Variants in PPP2R3C observed in about 807,000 individuals in gnomAD.
PPP2R3C encodes protein phosphatase 2 regulatory subunit B''gamma.
A neutral mutation model predicts 63.7 loss-of-function variants in PPP2R3C; 47 were observed. That is an observed-to-expected ratio of 0.74 (90% CI 0.58 to 0.94). PPP2R3C has a LOEUF of 0.94. Ranked by LOEUF, PPP2R3C falls within the 40% of genes least tolerant of loss-of-function variation. The probability of loss-of-function intolerance (pLI) is 0.00; values close to 1 mark genes in which losing one functional copy is unlikely to be tolerated. For synonymous variants in PPP2R3C, 180 were observed against 177.4 expected (o/e 1.01, Z -0.12); for missense variants, 421 against 518.4 (o/e 0.81, Z 1.82).
intron 4 of PPP2R3C, among the ~76,000 whole-genome samples, chr14:35,108,948 A>G (rs1162749487): frequency 6.6e-6 from 1 of 152,046 alleles, no homozygotes; most frequent in East Asian, 1.9e-4. Context: ...TTTTTAATTA[A>G]AAGTTTTTTT....
intron 6 of PPP2R3C, chr14:35,101,015 A>T (rs2046170187): frequency 6.6e-6 from 1 of 151,990 alleles, no homozygotes; most frequent in Non-Finnish European, 1.5e-5. Flanking sequence ...TTGCTCTGTC[A>T]CCCAGACTGG....
intron 7 of PPP2R3C, chr14:35,098,521 A>AT (rs913913190): frequency 1.3e-5 from 2 of 149,988 alleles, no homozygotes; most frequent in Non-Finnish European, 1.5e-5. Context: ...CAATTTTTGT[A>AT]TTTTTTTTGT....
At chr14:35,102,049 G>A (rs1169285592) in intron 6 of PPP2R3C, 2 of 129,274 alleles carry the variant, frequency 1.5e-5, no homozygotes, top group Admixed American at 8.5e-5. Context: ...TTTTTTTTGA[G>A]ACGGAGTCTC....
At chr14:35,087,721 TG>T in intron 12 of PPP2R3C, 1 of 475,770 alleles carries the variant, frequency 2.1e-6, no homozygotes. Context: ...TTAATTAAAA[TG>T]AATGAATGCT....
intron 11 of PPP2R3C, among the ~76,000 whole-genome samples, chr14:35,090,386 C>CA (rs1487000767): frequency 7.9e-5 from 12 of 151,970 alleles, no homozygotes; most frequent in African/African-American, 2.7e-4. Context: ...GGATTACAGG[C>CA]ATGTGGACCC....
intron 11 of PPP2R3C, among the ~76,000 whole-genome samples, chr14:35,089,706 C>T (rs764247299): frequency 9.2e-5 from 14 of 151,870 alleles, no homozygotes; most frequent in Non-Finnish European, 1.3e-4. Context: ...CGCTCTGTTA[C>T]CCAGGCTGCA....
In PPP2R3C at chr14:35,091,113, T is replaced by A; in HGVS notation, c.1070A>T (p.Asn357Ile). Reference sequence around the variant, plus strand: ...TGAAAAGACATTCAGGTATCCTTTGTTCTCAATATCAAGCAGTTTGAAAAT... The same window carrying A: ...TGAAAAGACATTCAGGTATCCTTTGATCTCAATATCAAGCAGTTTGAAAAT... ...QYIFKLLDIE[N>I]KGYLNVFSLN... Residue 357 changes from asparagine to isoleucine, a missense_variant, in exon 11 of 13, where the codon AAC (asparagine) becomes ATC (isoleucine). Around this residue, in one of 3 missense-constraint regions of PPP2R3C, gnomAD observed 231 missense variants for 264.8 expected, o/e 0.87. Coordinates refer to ENST00000261475, the MANE Select transcript of PPP2R3C (RefSeq NM_017917.4). The A allele has an allele frequency of 6.2e-7, 1 of 1,607,970 alleles. No individual in the cohort carries two copies. The highest frequency in any genetic ancestry group is 8.5e-7 in the Non-Finnish European group (1 of 1,175,952).
At chr14:35,110,661 AT>A in intron 2 of PPP2R3C, 32 bp from the exon 3 acceptor site, 2 of 1,437,050 alleles carry the variant, frequency 1.4e-6, no homozygotes. Context: ...CTACATGTAA[AT>A]TTTAGACTAC....
chr14:35,088,166 T>C (rs2045671425), intron 11 of PPP2R3C, 156 bp from the exon 12 acceptor site: 4 of 661,750 alleles, frequency 6.0e-6, no homozygotes, highest in Admixed American at 4.8e-5. Context: ...CTTGACCTTA[T>C]TCCACATCAG....
chr14:35,092,666 A>T (rs971434962), intron 10 of PPP2R3C, among the ~76,000 whole-genome samples: 6 of 151,882 alleles, frequency 4.0e-5, no homozygotes, highest in Non-Finnish European at 8.8e-5. Context: ...CGGTTTCTCC[A>T]AGTTGGTCAG....
intron 5 of PPP2R3C, 143 bp downstream of exon 5, chr14:35,107,996 G>GT: frequency 8.0e-7 from 1 of 1,245,834 alleles, no homozygotes; most frequent in Non-Finnish European, 1.0e-6. Context: ...CCAAGTTTAT[G>GT]TAACACATCT....
Position 35,085,489 on chromosome 14 carries a change from T to C in PPP2R3C, c.*101A>G. ...ACATTTGCTGTGTTCTCTAGGCATA[T>C]CAAGTGTTTTATTTAGACCATTTCT... is the stretch of plus-strand genomic sequence containing the variant. On this transcript the variant is annotated 3_prime_UTR_variant, in exon 13 of 13. Transcript: ENST00000261475. The C allele has an allele frequency of 4.7e-6, 5 of 1,072,378 alleles. No individual in the cohort carries two copies. The highest frequency in any genetic ancestry group is 6.5e-6 in the Non-Finnish European group (5 of 774,110). 66.4% of individuals were successfully genotyped at this position (1,072,378 alleles called of 1,614,324 possible).
At chr14:35,116,950 T>C in intron 1 of PPP2R3C, 1 of 422,732 alleles carries the variant, frequency 2.4e-6, no homozygotes, top group Non-Finnish European at 4.4e-6. Context: ...TCTTCAACCA[T>C]TTCTCATGCT....
intron 10 of PPP2R3C, among the ~76,000 whole-genome samples, chr14:35,093,437 A>C (rs1414510473): frequency 6.6e-6 from 1 of 152,166 alleles, no homozygotes; most frequent in Non-Finnish European, 1.5e-5. Flanking sequence ...AGGAATCATT[A>C]TATTAATAAT....
chr14:35,090,598 TTC>T lies in PPP2R3C; in HGVS notation c.1113+470_1113+471del, dbSNP rs201883821. Among the ~76,000 whole-genome samples the T allele has an allele frequency of 7.9e-3, 1,199 of 152,322 alleles. 21 individuals are homozygous for T. The highest frequency in any genetic ancestry group is 0.028 in the African/African-American group (1,149 of 41,564). On this transcript the variant is annotated intron_variant, in intron 11 of 12. Coordinates refer to ENST00000261475, the MANE Select transcript of PPP2R3C (RefSeq NM_017917.4). Reference sequence around the variant, plus strand: ...CAAATGATATATCTTTAATTTGCTCTTCTTTTTCTAATTTCCTAAAGTAGATG... The same window carrying T: ...CAAATGATATATCTTTAATTTGCTCTTTTTTCTAATTTCCTAAAGTAGATG...
intron 7 of PPP2R3C, chr14:35,099,016 C>G (rs1396640488): frequency 5.2e-6 from 2 of 381,818 alleles, no homozygotes; most frequent in Non-Finnish European, 8.9e-6. Flanking sequence ...GATGTCCCCC[C>G]ATCTGTCACA....
At chr14:35,121,848 C>A in intron 1 of PPP2R3C, 54 bp downstream of exon 1, 3 of 1,597,504 alleles carry the variant, frequency 1.9e-6, no homozygotes, top group South Asian at 2.2e-5. Context: ...TCCCCCCTAC[C>A]TCTAGGAGTT....
intron 2 of PPP2R3C, among the ~76,000 whole-genome samples, chr14:35,111,347 A>T (rs1174185365): frequency 6.6e-6 from 1 of 152,168 alleles, no homozygotes; most frequent in Admixed American, 6.5e-5. Context: ...CAAAATGATG[A>T]CAGTGAAAGA....
At chr14:35,106,108 G>C (rs2046348608) in intron 6 of PPP2R3C, among the ~76,000 whole-genome samples, 1 of 151,516 alleles carries the variant, frequency 6.6e-6, no homozygotes, top group African/African-American at 2.4e-5. Context: ...GCCTCCCAAA[G>C]TGCTGGGATT....
Sources: allele counts gnomAD v4.1 joint callset (sites outside exome capture counted in the v4.1 genomes callset), GRCh38; gene constraint gnomAD v4.1.1; regional missense constraint gnomAD v4.1.1; transcripts MANE v1.5; gene names NCBI Gene and HGNC (gene_info 2026-07-23, HGNC 2026-07-21).